LEF1: variants seen among roughly 807,000 people sequenced by gnomAD.
LEF1 encodes lymphoid enhancer-binding factor 1.
Under a neutral mutation model 51.2 loss-of-function variants are expected in LEF1, and 14 were observed. The observed-to-expected ratio is 0.27, with a 90% CI of 0.18 to 0.43. The LOEUF (loss-of-function observed/expected upper bound fraction) is 0.43, where lower values mean the gene tolerates loss of function less well. Among genes scored for constraint, LEF1 ranks in the 20% least tolerant of loss-of-function variants. The pLI, the probability that LEF1 is intolerant of heterozygous loss-of-function variation, is 1.00. For synonymous variants in LEF1, 185 were observed against 183.2 expected (o/e 1.01, Z -0.08); for missense variants, 386 against 512.0 (o/e 0.75, Z 2.37).
At chr4:108,126,027 ATTTTT>A (rs1156656284) in intron 3 of LEF1, among the ~76,000 whole-genome samples, 5 of 152,124 alleles carry the variant, frequency 3.3e-5, no homozygotes, top group African/African-American at 1.2e-4. Context: ...GGAATAGGGA[ATTTTT>A]TTACTTTTGT....
intron 3 of LEF1, among the ~76,000 whole-genome samples, chr4:108,160,003 C>T (rs992678560): frequency 7.9e-5 from 12 of 152,216 alleles, no homozygotes; most frequent in African/African-American, 2.7e-4. Flanking sequence ...TGTGACTGAG[C>T]TGCAACGTTT....
intron 3 of LEF1, among the ~76,000 whole-genome samples, chr4:108,108,567 T>G (rs1031980926): frequency 2.6e-5 from 4 of 152,180 alleles, no homozygotes; most frequent in African/African-American, 7.2e-5. Flanking sequence ...GTCTTGGAAC[T>G]GGGGATACTT....
chr4:108,074,405 G>T (rs1191636859), intron 8 of LEF1, among the ~76,000 whole-genome samples: 1 of 152,106 alleles, frequency 6.6e-6, no homozygotes. Flanking sequence ...AGCCAGGAAG[G>T]TCTGAAGAGA....
At chr4:108,073,621 G>A (rs1333027653) in intron 8 of LEF1, among the ~76,000 whole-genome samples, 1 of 151,938 alleles carries the variant, frequency 6.6e-6, no homozygotes, top group African/African-American at 2.4e-5. Flanking sequence ...GAGAAAACCT[G>A]GAATCATAAA....
intron 3 of LEF1, among the ~76,000 whole-genome samples, chr4:108,149,610 C>CAT (rs945016483): frequency 7.5e-5 from 11 of 146,464 alleles, no homozygotes; most frequent in African/African-American, 2.8e-4. Flanking sequence ...TATATATGTA[C>CAT]ATATATATAC....
At chr4:108,165,869 T>C (rs1745355779) in intron 1 of LEF1, among the ~76,000 whole-genome samples, 1 of 152,174 alleles carries the variant, frequency 6.6e-6, no homozygotes, top group South Asian at 2.1e-4. Flanking sequence ...TCAGTGGTAT[T>C]ACTCCTTCAC....
chr4:108,140,287 C>A lies in LEF1; in HGVS notation c.414+23281G>T, dbSNP rs1008305458. The stretch of plus-strand genomic sequence containing the variant: ...CTGGATCCAGTTTGAAAAGAACTGG[C>A]AACCCTAAAACTTTTTGATAAGATA... On this transcript the variant is annotated intron_variant, in intron 3 of 11. Transcript: ENST00000265165. Among the ~76,000 whole-genome samples the A allele has an allele frequency of 7.9e-5, 12 of 152,250 alleles. No individual in the cohort carries two copies. The East Asian group carries it at 2.3e-3, about 29-fold the overall frequency.
chr4:108,164,848 C>G (rs935504613), intron 2 of LEF1, among the ~76,000 whole-genome samples: 9 of 152,130 alleles, frequency 5.9e-5, no homozygotes, highest in Non-Finnish European at 2.9e-5. Context: ...TAGACATTCC[C>G]TCTTCCCAAA....
chr4:108,115,469 C>T (rs1741774732), intron 3 of LEF1, among the ~76,000 whole-genome samples: 1 of 152,118 alleles, frequency 6.6e-6, no homozygotes, highest in Non-Finnish European at 1.5e-5. Context: ...TACAAGTGTG[C>T]TAATAACCCA....
intron 8 of LEF1, chr4:108,072,907 G>A (rs1370633651): frequency 6.6e-6 from 1 of 151,980 alleles, no homozygotes; most frequent in South Asian, 2.1e-4. Flanking sequence ...GTTTTTTGTT[G>A]TTGTTGTTGT....
intron 3 of LEF1, among the ~76,000 whole-genome samples, chr4:108,092,443 G>A (rs566233490): frequency 4.6e-5 from 7 of 152,188 alleles, no homozygotes; most frequent in Admixed American, 1.3e-4. Flanking sequence ...CTTACACTGC[G>A]GATATGTGGC....
chr4:108,107,550 T>C (rs181138907), intron 3 of LEF1, among the ~76,000 whole-genome samples: 13 of 147,834 alleles, frequency 8.8e-5, no homozygotes, highest in Admixed American at 4.7e-4. Flanking sequence ...AGCTGTCTTG[T>C]AAAAAAAAAA....
In LEF1 at chr4:108,167,576, G is replaced by C. The variant is rs1402160080; in HGVS notation, c.192C>G (p.Ile64Met). 1.9e-6 allele frequency: 3 copies of C among 1,614,046 alleles called. No individual in the cohort carries two copies. The African/African-American group carries it at 4.0e-5, about 22-fold the overall frequency. Residue 64 changes from isoleucine (I) to methionine (M), a missense_variant, in exon 1 of 12, where the codon ATC becomes ATG. This residue lies in a region of LEF1 where 335 missense variants were observed against 390.7 expected (regional missense o/e 0.86). Transcript: ENST00000265165. The surrounding 1 kb of genome is among the most constrained non-coding windows in gnomAD (Gnocchi z 5.7). Reference protein sequence around the residue: ...KSSLVNESEIIPASNGHEVAR... With the variant: ...KSSLVNESEIMPASNGHEVAR... The stretch of plus-strand genomic sequence containing the variant: ...TCACCTCGTGTCCGTTGCTGGCCGG[G>C]ATGATTTCAGACTCGTTCACCAAGG...
intron 3 of LEF1, among the ~76,000 whole-genome samples, chr4:108,139,965 G>T (rs1251166481): frequency 6.6e-6 from 1 of 152,058 alleles, no homozygotes; most frequent in Non-Finnish European, 1.5e-5. Context: ...AATTCATGGG[G>T]ACTTTCTAGC....
At position 108,129,484 on chromosome 4, in the gene LEF1, A is replaced by C. The variant is rs528141131; in HGVS notation, c.414+34084T>G. On this transcript the variant is annotated intron_variant, in intron 3 of 11. Coordinates refer to ENST00000265165, the MANE Select transcript of LEF1 (RefSeq NM_016269.5). ...TAATAGTTAGAAACTCAAAACATGT[A>C]TGGATTGCATAAATTTTGAATGCTT... Among the ~76,000 whole-genome samples, 4 of 152,332 alleles carry C rather than the reference A, an allele frequency of 2.6e-5. No individual in the cohort carries two copies. The South Asian group carries it at 8.3e-4, about 32-fold the overall frequency.
At chr4:108,087,047 A>G (rs1739699262) in intron 4 of LEF1, among the ~76,000 whole-genome samples, 1 of 152,172 alleles carries the variant, frequency 6.6e-6, no homozygotes, top group Non-Finnish European at 1.5e-5. Context: ...CTAGTCTATT[A>G]GGATCTTTGA....
chr4:108,082,700 T>A (rs1327553557), intron 5 of LEF1, among the ~76,000 whole-genome samples: 6 of 152,182 alleles, frequency 3.9e-5, no homozygotes, highest in Admixed American at 6.5e-5. Context: ...GGCTATACCA[T>A]GTTATTCTTT....
At chr4:108,124,056 G>A (rs1033395725) in intron 3 of LEF1, among the ~76,000 whole-genome samples, 1 of 152,140 alleles carries the variant, frequency 6.6e-6, no homozygotes, top group African/African-American at 2.4e-5. Flanking sequence ...GCTGATGTGG[G>A]AGGATAGCTT....
intron 8 of LEF1, among the ~76,000 whole-genome samples, chr4:108,072,655 CA>C (rs1413439727): frequency 6.6e-6 from 1 of 151,916 alleles, no homozygotes; most frequent in African/African-American, 2.4e-5. Flanking sequence ...GCCAGGAAAA[CA>C]AAACAAAACA....
Sources: allele counts gnomAD v4.1 joint callset (sites outside exome capture counted in the v4.1 genomes callset), GRCh38; gene constraint gnomAD v4.1.1; regional missense constraint gnomAD v4.1.1; non-coding constraint Gnocchi (gnomAD v3.1); transcripts MANE v1.5; gene names NCBI Gene and HGNC (gene_info 2026-07-23, HGNC 2026-07-21).